Variants in NAV2 observed in about 807,000 individuals in gnomAD.
NAV2 encodes helicase, APC down-regulated 1.
In NAV2, 54 loss-of-function variants were observed where a neutral mutation model predicts 223.2. The observed-to-expected ratio is 0.24, with a 90% CI of 0.19 to 0.30. NAV2 has a LOEUF of 0.30. NAV2 is among the 10% of genes least tolerant of loss of function. The probability of loss-of-function intolerance (pLI) is 1.00; values close to 1 mark genes in which losing one functional copy is unlikely to be tolerated. For missense variants in NAV2, 2,806 were observed against 3,147.5 expected, an observed-to-expected ratio of 0.89 and a Z score of 2.60; for synonymous variants, 1,279 against 1,239.3, an observed-to-expected ratio of 1.03 and a Z score of -0.67.
intron 17 of NAV2, among the ~76,000 whole-genome samples, chr11:20,052,236 TG>T (rs1414709672): frequency 1.1e-4 from 17 of 152,388 alleles, no homozygotes; most frequent in African/African-American, 3.1e-4. Flanking sequence ...GTTAATAACC[TG>T]CAGCTCTTAA....
chr11:19,464,675 GCT>G (rs1191701123), intron 1 of NAV2, among the ~76,000 whole-genome samples: 1 of 152,186 alleles, frequency 6.6e-6, no homozygotes, highest in Non-Finnish European at 1.5e-5. Context: ...AATTTGTCAG[GCT>G]CTGTCTGTTC....
Position 20,080,258 on chromosome 11 carries a change from A to G in NAV2, c.5325+49A>G, listed in dbSNP as rs375972607. 4 of 1,561,958 alleles carry G rather than the reference A, an allele frequency of 2.6e-6. No individual in the cohort carries two copies. The African/African-American group carries it at 4.1e-5, about 16-fold the overall frequency. ...GGGACTGACGGACAGAGTCAGTTGC[A>G]GAACTGGCTGCTGCATCTCCCCAGA... is the stretch of plus-strand genomic sequence containing the variant. On this transcript the variant is annotated intron_variant, in intron 25 of 37. Coordinates refer to ENST00000349880, the MANE Select transcript of NAV2 (RefSeq NM_145117.5).
chr11:19,894,209 A>G (rs1440713888), intron 6 of NAV2, among the ~76,000 whole-genome samples: 2 of 152,206 alleles, frequency 1.3e-5, no homozygotes, highest in African/African-American at 4.8e-5. Context: ...AGGGATAGTG[A>G]GAGATGGAGT....
In NAV2 at chr11:19,770,590, G is replaced by A. The variant is rs2055639424; in HGVS notation, c.267+56628G>A. Among the ~76,000 whole-genome samples, 3 of 152,200 alleles carry A rather than the reference G, an allele frequency of 2.0e-5. No individual in the cohort carries two copies. In the South Asian group the frequency reaches 6.2e-4, roughly 31 times the overall value. On this transcript the variant is annotated intron_variant, in intron 1 of 37. Transcript: ENST00000349880. ...GGCACCTGGCAACCCTTGGATTCATGGGAATAGCATGTCTGCTCTTGGGAT... is the reference window on the plus strand; with the variant it reads ...GGCACCTGGCAACCCTTGGATTCATAGGAATAGCATGTCTGCTCTTGGGAT...
intron 10 of NAV2, among the ~76,000 whole-genome samples, chr11:19,963,255 T>A (rs2153411986): frequency 6.6e-6 from 1 of 152,332 alleles, no homozygotes; most frequent in East Asian, 1.9e-4. Flanking sequence ...TAGAGACTGT[T>A]TCTCGTCCCA....
chr11:19,633,359 G>A (rs2047398316), intron 1 of NAV2, among the ~76,000 whole-genome samples: 1 of 152,266 alleles, frequency 6.6e-6, no homozygotes, highest in Non-Finnish European at 1.5e-5. Context: ...CTGGCATTCA[G>A]GACACTGGGT....
intron 1 of NAV2, chr11:19,511,176 G>A (rs906851714): frequency 6.6e-6 from 1 of 152,216 alleles, no homozygotes; most frequent in Admixed American, 6.5e-5. Context: ...TGTTGTTGGA[G>A]AGAACAGTCG....
rs72905842 is a variant in NAV2, at chr11:19,615,908, G to C, written c.76-216576G>C. On this transcript the variant is annotated intron_variant, in intron 1 of 37. Coordinates refer to the NAV2 transcript ENST00000360655. ...CCCATCAGCTCCGTCTGAGTCCACT[G>C]TTGGGGGGATCCTGACCTGTAGCCA... 3.0e-3 allele frequency among the ~76,000 whole-genome samples: 460 copies of C among 152,288 alleles called. 4 individuals are homozygous for C. Among genetic ancestry groups the C allele is most frequent in the Middle Eastern group, 0.01 (3 of 294 alleles).
intron 26 of NAV2, among the ~76,000 whole-genome samples, chr11:20,086,191 C>G (rs2060434335): frequency 6.6e-6 from 1 of 152,142 alleles, no homozygotes; most frequent in Non-Finnish European, 1.5e-5. Context: ...GAGTTTGAAA[C>G]AGGAATATGA....
chr11:19,471,842 A>G (rs1450773656), intron 1 of NAV2, among the ~76,000 whole-genome samples: 5 of 152,132 alleles, frequency 3.3e-5, no homozygotes, highest in African/African-American at 4.8e-5. Context: ...TGGCTGCTCC[A>G]ATTGACTTCA....
At chr11:20,022,963 C>T in intron 11 of NAV2, 2 of 1,378,980 alleles carry the variant, frequency 1.5e-6, no homozygotes, top group Non-Finnish European at 2.0e-6. Flanking sequence ...TCCCTGCTAG[C>T]TAGTCCTTTA....
intron 1 of NAV2, among the ~76,000 whole-genome samples, chr11:19,619,751 G>A (rs1285585326): frequency 6.6e-6 from 1 of 152,160 alleles, no homozygotes; most frequent in African/African-American, 2.4e-5. Flanking sequence ...CTGTGCAGAA[G>A]CTCTTTAGTT....
intron 3 of NAV2, among the ~76,000 whole-genome samples, chr11:19,865,500 G>C (rs1015644742): frequency 6.6e-6 from 1 of 152,174 alleles, no homozygotes; most frequent in Non-Finnish European, 1.5e-5. Flanking sequence ...CTGCTTCCCA[G>C]CCTCACTCTC....
intron 11 of NAV2, among the ~76,000 whole-genome samples, chr11:20,019,255 T>C (rs1292648479): frequency 6.6e-6 from 1 of 152,088 alleles, no homozygotes; most frequent in African/African-American, 2.4e-5. Flanking sequence ...AGATGTTCAG[T>C]AGTGATTGGG....
chr11:19,345,552 G>C, the NAV2 span, among the ~76,000 whole-genome samples: 1 of 152,216 alleles, frequency 6.6e-6, no homozygotes, highest in Non-Finnish European at 1.5e-5. The surrounding 1 kb of genome is among the most constrained non-coding windows in gnomAD (Gnocchi z 5.2). Context: ...GAGGGCCAGG[G>C]CCTCTCAAGC....
At chr11:19,676,289 A>G (rs1435282013) in intron 1 of NAV2, among the ~76,000 whole-genome samples, 1 of 151,432 alleles carries the variant, frequency 6.6e-6, no homozygotes, top group Non-Finnish European at 1.5e-5. Flanking sequence ...TTGGGTTCAT[A>G]ACTGGCTCTC....
At chr11:19,705,588 C>T (rs1319724811) in intron 1 of NAV2, among the ~76,000 whole-genome samples, 1 of 152,072 alleles carries the variant, frequency 6.6e-6, no homozygotes, top group African/African-American at 2.4e-5. Context: ...CATTTCTGCT[C>T]CCATTAATCT....
intron 11 of NAV2, 34 bp downstream of exon 11, chr11:19,984,281 A>G: frequency 6.2e-7 from 1 of 1,610,466 alleles, no homozygotes; most frequent in Non-Finnish European, 8.5e-7. Flanking sequence ...GGTCAGATGC[A>G]GAGGTGATCC....
At chr11:19,776,675 T>TGTGTGTGTGTGG (rs2056233726) in intron 1 of NAV2, among the ~76,000 whole-genome samples, 1 of 146,696 alleles carries the variant, frequency 6.8e-6, no homozygotes, top group Non-Finnish European at 1.5e-5. Context: ...TGTGTGTGTG[T>TGTGTGTGTGTGG]GGTTAGAGTT....
Sources: allele counts gnomAD v4.1 joint callset (sites outside exome capture counted in the v4.1 genomes callset), GRCh38; gene constraint gnomAD v4.1.1; non-coding constraint Gnocchi (gnomAD v3.1); transcripts MANE v1.5; gene names NCBI Gene and HGNC (gene_info 2026-07-23, HGNC 2026-07-21).